The following ANXA10 variants were observed in gnomAD, a reference collection of about 807,000 sequenced individuals.
The protein encoded by ANXA10 is annexin 14.
In ANXA10, 49 loss-of-function variants were observed where a neutral mutation model predicts 53.5. The ratio of observed to expected loss-of-function variants is 0.92; its 90% CI spans 0.73 to 1.16. ANXA10 has a LOEUF of 1.16. Ranked by LOEUF, ANXA10 falls within the 50% of genes most tolerant of loss-of-function variation. The pLI, the probability that ANXA10 is intolerant of heterozygous loss-of-function variation, is 0.00. For missense variants in ANXA10, 393 were observed against 394.4 expected (o/e 1.00, Z 0.03); for synonymous variants, 131 against 128.9 (o/e 1.02, Z -0.11).
At chr4:168,156,694 G>A (rs1200088958) in intron 3 of ANXA10, among the ~76,000 whole-genome samples, 3 of 151,250 alleles carry the variant, frequency 2.0e-5, no homozygotes, top group East Asian at 3.9e-4. Flanking sequence ...TAGTAGAGAC[G>A]GGGTTTCATT....
intron 1 of ANXA10, among the ~76,000 whole-genome samples, chr4:168,104,609 A>C (rs539638009): frequency 3.3e-5 from 5 of 151,932 alleles, no homozygotes; most frequent in African/African-American, 1.2e-4. Flanking sequence ...TTCTTGAATG[A>C]GTTTGGGTAA....
At chr4:168,169,950 C>T (rs916721799) in intron 6 of ANXA10, among the ~76,000 whole-genome samples, 2 of 151,882 alleles carry the variant, frequency 1.3e-5, no homozygotes, top group Admixed American at 1.3e-4. Context: ...ACACAAGTTC[C>T]GAAAATGAAA....
chr4:168,102,787 A>G (rs12646385), intron 1 of ANXA10, among the ~76,000 whole-genome samples: 102,657 of 151,956 alleles, frequency 0.68, 35,490 homozygotes, highest in African/African-American at 0.81. Flanking sequence ...ACTTAGAAGC[A>G]AGATTGCTAG....
intron 3 of ANXA10, among the ~76,000 whole-genome samples, chr4:168,149,331 T>G (rs955409159): frequency 1.3e-5 from 2 of 152,240 alleles, no homozygotes; most frequent in Non-Finnish European, 2.9e-5. Flanking sequence ...CTTGTCCACA[T>G]ATGTAGAATA....
intron 2 of ANXA10, among the ~76,000 whole-genome samples, chr4:168,130,100 A>G (rs554309063): frequency 6.6e-6 from 1 of 152,234 alleles, no homozygotes; most frequent in South Asian, 2.1e-4. Flanking sequence ...GATGCTAGCT[A>G]TAGGATTTTT....
At chr4:168,179,472 C>T (rs1578938781) in intron 9 of ANXA10, among the ~76,000 whole-genome samples, 160 bp downstream of exon 9, 1 of 152,168 alleles carries the variant, frequency 6.6e-6, no homozygotes, top group East Asian at 1.9e-4. Context: ...GGGAAGAGTA[C>T]ATCAGCTACT....
At chr4:168,151,170 T>C (rs1404203567) in intron 3 of ANXA10, among the ~76,000 whole-genome samples, 4 of 152,132 alleles carry the variant, frequency 2.6e-5, no homozygotes, top group African/African-American at 9.7e-5. Context: ...GGGAGGGAGA[T>C]AGAATTAAGA....
chr4:168,137,484 A>G (rs1731256015), intron 2 of ANXA10, among the ~76,000 whole-genome samples: 1 of 152,090 alleles, frequency 6.6e-6, no homozygotes, highest in Admixed American at 6.5e-5. Flanking sequence ...CAATATGTCC[A>G]TGTGTACCCT....
At chr4:168,163,562 G>T (rs1339059649) in intron 4 of ANXA10, among the ~76,000 whole-genome samples, 2 of 152,112 alleles carry the variant, frequency 1.3e-5, no homozygotes, top group East Asian at 1.9e-4. Context: ...AAAAAATAAA[G>T]TTATATGTTT....
chr4:168,182,923 T>C (rs1322545512), intron 10 of ANXA10, among the ~76,000 whole-genome samples: 1 of 142,372 alleles, frequency 7.0e-6, no homozygotes, highest in Non-Finnish European at 1.5e-5. Flanking sequence ...GGCAGGAGAA[T>C]GGCCTGAACC....
intron 2 of ANXA10, among the ~76,000 whole-genome samples, chr4:168,128,559 A>T (rs1385171885): frequency 2.6e-5 from 4 of 152,158 alleles, no homozygotes; most frequent in Admixed American, 2.0e-4. Flanking sequence ...ACTTTTTGCT[A>T]TTCCCCCAAA....
chr4:168,094,027 C>A (rs1181783092), intron 1 of ANXA10, among the ~76,000 whole-genome samples: 1 of 152,130 alleles, frequency 6.6e-6, no homozygotes, highest in East Asian at 1.9e-4. Context: ...ATTAAATTTG[C>A]AAATGCCTAT....
intron 6 of ANXA10, among the ~76,000 whole-genome samples, chr4:168,166,562 A>G (rs1731881328): frequency 6.6e-6 from 1 of 151,964 alleles, no homozygotes; most frequent in South Asian, 2.1e-4. Flanking sequence ...CTAAAAGAGA[A>G]TCTCAAAGGC....
intron 2 of ANXA10, among the ~76,000 whole-genome samples, chr4:168,129,923 G>A (rs961284465): frequency 6.6e-6 from 1 of 152,054 alleles, no homozygotes; most frequent in Non-Finnish European, 1.5e-5. Context: ...ATGTGTAATT[G>A]CTAGGTCAGC....
Position 168,156,878 on chromosome 4 carries a change from G to C in ANXA10, c.196-5650G>C, listed in dbSNP as rs115493061. 2.0e-3 allele frequency among the ~76,000 whole-genome samples: 309 copies of C among 152,136 alleles called. 1 individual carries two copies. The highest frequency in any genetic ancestry group is 0.017 in the Middle Eastern group (5 of 294). On this transcript the variant is annotated intron_variant, in intron 3 of 11. Transcript: ENST00000359299. ...ACAAACACCTGGCCTCCAAACAGGA[G>C]ACTCTATTAATTTTGAATAATTTTA...
chr4:168,185,844 T>G (rs776646360), intron 11 of ANXA10, among the ~76,000 whole-genome samples: 18 of 152,180 alleles, frequency 1.2e-4, no homozygotes, highest in Admixed American at 8.5e-4. Context: ...ATTGAAAGAG[T>G]AATCTAGAAG....
chr4:168,160,611 C>G (rs1223672740), intron 3 of ANXA10, among the ~76,000 whole-genome samples: 1 of 152,190 alleles, frequency 6.6e-6, no homozygotes, highest in East Asian at 1.9e-4. Flanking sequence ...AATAGTATTT[C>G]TGCCTCTAGG....
At chr4:168,170,458 T>C (rs995679296) in intron 6 of ANXA10, among the ~76,000 whole-genome samples, 2 of 152,200 alleles carry the variant, frequency 1.3e-5, no homozygotes, top group African/African-American at 2.4e-5. Context: ...TTCTATTGCT[T>C]GTGTTTTAAG....
chr4:168,160,865 A>G (rs1387163837), intron 3 of ANXA10, among the ~76,000 whole-genome samples: 1 of 152,118 alleles, frequency 6.6e-6, no homozygotes, highest in Non-Finnish European at 1.5e-5. Flanking sequence ...TCTTCTTTTG[A>G]GAAGTGTCTG....
Sources: gnomAD v4.1 joint callset for allele counts (sites outside exome capture counted in the v4.1 genomes callset) on GRCh38, gnomAD v4.1.1 for gene constraint, MANE v1.5 for transcripts, NCBI Gene and HGNC (gene_info 2026-07-23, HGNC 2026-07-21) for gene names.